MARK3: variants seen among roughly 807,000 people sequenced by gnomAD.
MARK3 encodes MAP/microtubule affinity-regulating kinase 3.
MARK3 carries 46 observed loss-of-function variants against 90.1 expected under a neutral mutation model. The ratio of observed to expected loss-of-function variants is 0.51; its 90% confidence interval spans 0.40 to 0.65. The LOEUF (loss-of-function observed/expected upper bound fraction) is 0.65. MARK3 is among the 30% of genes least tolerant of loss of function. The pLI is 0.00. For synonymous variants in MARK3, 321 were observed against 332.6 expected (o/e 0.97, Z 0.38); for missense variants, 818 against 947.2 (o/e 0.86, Z 1.79).
chr14:103,404,251 G>A (rs968504806), intron 1 of MARK3, among the ~76,000 whole-genome samples: 2 of 152,202 alleles, frequency 1.3e-5, no homozygotes, highest in Non-Finnish European at 2.9e-5. Flanking sequence ...CAGAAAGTTG[G>A]AAAAGAGAAA....
At chr14:103,389,477 G>C (rs1364723333) in intron 1 of MARK3, among the ~76,000 whole-genome samples, 1 of 120,506 alleles carries the variant, frequency 8.3e-6, no homozygotes. Context: ...GCAGTGAGCC[G>C]ATATCATGCC....
intron 2 of MARK3, among the ~76,000 whole-genome samples, chr14:103,427,685 CTATT>C (rs1748839729): frequency 6.6e-6 from 1 of 151,978 alleles, no homozygotes. Flanking sequence ...TTTTAGGGGA[CTATT>C]TAGGGTAACT....
chr14:103,458,085 G>A (rs1008037075), intron 6 of MARK3, among the ~76,000 whole-genome samples: 2 of 152,162 alleles, frequency 1.3e-5, no homozygotes, highest in Admixed American at 1.3e-4. Flanking sequence ...CTTCTGTAAA[G>A]GGCCAGATAG....
chr14:103,453,464 T>G (rs1304989479), intron 5 of MARK3, among the ~76,000 whole-genome samples: 1 of 152,256 alleles, frequency 6.6e-6, no homozygotes, highest in Admixed American at 6.5e-5. Flanking sequence ...TAGTCTCATT[T>G]GAGTGAGTTT....
At chr14:103,387,973 C>T (rs1307163356) in intron 1 of MARK3, among the ~76,000 whole-genome samples, 1 of 152,144 alleles carries the variant, frequency 6.6e-6, no homozygotes, top group Non-Finnish European at 1.5e-5. Flanking sequence ...GCTCTGTCTC[C>T]CAGGCTGGAG....
intron 1 of MARK3, among the ~76,000 whole-genome samples, chr14:103,386,542 C>CT: frequency 6.6e-6 from 1 of 152,196 alleles, no homozygotes; most frequent in Admixed American, 6.5e-5. Flanking sequence ...CGGTCTCGTT[C>CT]TTTAAGATGG....
intron 5 of MARK3, among the ~76,000 whole-genome samples, chr14:103,452,518 C>G (rs1680075744): frequency 7.9e-6 from 1 of 126,980 alleles, no homozygotes; most frequent in African/African-American, 2.7e-5. Context: ...GTCGCCCAGG[C>G]TGGAGTGCAG....
rs2140735397 is a variant in MARK3, at chr14:103,407,302, C to G, written c.243+2035C>G. Among the ~76,000 whole-genome samples, 3 of 152,246 alleles carry G rather than the reference C, an allele frequency of 2.0e-5. No individual in the cohort carries two copies. In the South Asian group the frequency reaches 6.2e-4, roughly 32 times the overall value. On this transcript the variant is annotated intron_variant, in intron 2 of 17. Coordinates refer to ENST00000429436, the MANE Select transcript of MARK3 (RefSeq NM_001128918.3). ...TCAGGTATACACTTATGTGTATGAG[C>G]TCATGTTACTTGCTAATCAATATTA...
chr14:103,406,662 G>T (rs1460853417), intron 2 of MARK3, among the ~76,000 whole-genome samples: 2 of 147,546 alleles, frequency 1.4e-5, no homozygotes, highest in Non-Finnish European at 3.0e-5. Context: ...GAGTGCAGTG[G>T]TGCAATCTCG....
In MARK3 at chr14:103,467,153, A is replaced by T; in HGVS notation, c.1072A>T (p.Thr358Ser). ...SLSKMKYDEI[T>S]ATYLLLGRKS... is the part of the protein sequence containing the mutation. ...TAGTAAGATGAAATACGATGAAATCACAGCTACATATTTGTTATTGGGGAG... is the reference window on the plus strand; with the variant it reads ...TAGTAAGATGAAATACGATGAAATCTCAGCTACATATTTGTTATTGGGGAG... Residue 358 changes from threonine to serine, a missense_variant, in exon 11 of 18, where the codon ACA becomes TCA. Transcript: ENST00000429436. 1 of 1,602,358 alleles carries T rather than the reference A, an allele frequency of 6.2e-7. No individual in the cohort carries two copies. The highest frequency in any genetic ancestry group is 8.5e-7 in the Non-Finnish European group (1 of 1,171,634).
At chr14:103,397,446 C>T (rs2090654721) in intron 1 of MARK3, among the ~76,000 whole-genome samples, 1 of 151,806 alleles carries the variant, frequency 6.6e-6, no homozygotes, top group East Asian at 1.9e-4. Flanking sequence ...CCTGCCTCAG[C>T]CTTCTGAGTA....
At chr14:103,478,366 C>T (rs1325833498) in intron 13 of MARK3, among the ~76,000 whole-genome samples, 5 of 149,218 alleles carry the variant, frequency 3.4e-5, no homozygotes, top group African/African-American at 9.8e-5. Context: ...CCCTCTGCCC[C>T]CCTCCCTTCC....
chr14:103,462,808 G>A (rs1474121056), intron 7 of MARK3, among the ~76,000 whole-genome samples: 4 of 152,080 alleles, frequency 2.6e-5, no homozygotes, highest in Non-Finnish European at 5.9e-5. Context: ...ATTCTCTCCC[G>A]TTAACAGCAG....
intron 3 of MARK3, among the ~76,000 whole-genome samples, chr14:103,445,224 C>G (rs1200683499): frequency 6.6e-6 from 1 of 152,158 alleles, no homozygotes; most frequent in Non-Finnish European, 1.5e-5. Flanking sequence ...TCTCAGTCGT[C>G]TGTCTCTGTA....
intron 12 of MARK3, 62 bp from the exon 13 acceptor site, chr14:103,474,931 C>T: frequency 1.5e-6 from 2 of 1,326,156 alleles, no homozygotes; most frequent in Non-Finnish European, 2.1e-6. Context: ...AATATGGTTA[C>T]TGTCACAAAA....
At chr14:103,407,733 G>A (rs917801944) in intron 2 of MARK3, among the ~76,000 whole-genome samples, 1 of 151,496 alleles carries the variant, frequency 6.6e-6, no homozygotes, top group Non-Finnish European at 1.5e-5. Flanking sequence ...GCTAATTTTT[G>A]TATTTTTAGT....
At position 103,501,004 on chromosome 14, in the gene MARK3, T is replaced by C. The variant is rs1485419971; in HGVS notation, c.1916+804T>C. 5.3e-5 allele frequency among the ~76,000 whole-genome samples: 8 copies of C among 152,326 alleles called. No homozygotes were observed. In the East Asian group the frequency reaches 1.5e-3, roughly 29 times the overall value. ...GGTAGCCTTAGGACTCTATGTCCCT[T>C]GTTCTAGGTCTCTTCCACTTGTGCC... On this transcript the variant is annotated intron_variant, in intron 17 of 17. Coordinates refer to ENST00000429436, the MANE Select transcript of MARK3 (RefSeq NM_001128918.3).
intron 1 of MARK3, among the ~76,000 whole-genome samples, chr14:103,393,446 A>G (rs1020806189): frequency 5.3e-5 from 8 of 152,140 alleles, no homozygotes; most frequent in African/African-American, 1.7e-4. Flanking sequence ...TGGTGAAACT[A>G]TGTATCTTAA....
chr14:103,435,005 G>A (rs539966349), intron 3 of MARK3, among the ~76,000 whole-genome samples: 4 of 152,306 alleles, frequency 2.6e-5, no homozygotes, highest in African/African-American at 9.6e-5. Flanking sequence ...TTAGAGCTCT[G>A]TAGCAGTAGC....
Sources: allele counts gnomAD v4.1 joint callset (sites outside exome capture counted in the v4.1 genomes callset), GRCh38; gene constraint gnomAD v4.1.1; transcripts MANE v1.5; gene names NCBI Gene and HGNC (gene_info 2026-07-23, HGNC 2026-07-21).